LRRC74A: variants seen among roughly 807,000 people sequenced by gnomAD.
The protein encoded by LRRC74A is leucine rich repeat containing 74A.
In LRRC74A, 44 loss-of-function variants were observed where a neutral mutation model predicts 57.9. The observed-to-expected ratio is 0.76, with a 90% CI of 0.60 to 0.98. The LOEUF is 0.98. LRRC74A is among the 50% of genes least tolerant of loss of function. LRRC74A has a pLI of 0.00. For synonymous variants in LRRC74A, 211 were observed against 219.4 expected, an observed-to-expected ratio of 0.96 and a Z score of 0.34; for missense variants, 572 against 574.0, an observed-to-expected ratio of 1.00 and a Z score of 0.04.
chr14:76,841,570 C>G (rs181831976), intron 5 of LRRC74A, among the ~76,000 whole-genome samples: 17 of 151,888 alleles, frequency 1.1e-4, no homozygotes, highest in Non-Finnish European at 2.5e-4. Context: ...AAAAAAAACA[C>G]CTGTTGGGGT....
At chr14:76,856,141 T>C (rs1004869405) in intron 9 of LRRC74A, among the ~76,000 whole-genome samples, 1 of 152,194 alleles carries the variant, frequency 6.6e-6, no homozygotes, top group Non-Finnish European at 1.5e-5. Context: ...CTCACAAACA[T>C]CTCTTGCTGT....
At chr14:76,869,063 G>A (rs1312462397) in intron 13 of LRRC74A, among the ~76,000 whole-genome samples, 1 of 148,884 alleles carries the variant, frequency 6.7e-6, no homozygotes, top group African/African-American at 2.5e-5. Context: ...TCAGCGGCCT[G>A]TCCCTGTGCC....
chr14:76,862,627 T>G (rs912061653), intron 11 of LRRC74A, among the ~76,000 whole-genome samples: 4 of 152,140 alleles, frequency 2.6e-5, no homozygotes, highest in Non-Finnish European at 2.9e-5. Context: ...CAACGTAGGA[T>G]TCGGCAACCA....
intron 7 of LRRC74A, among the ~76,000 whole-genome samples, chr14:76,848,511 G>A (rs904898630): frequency 5.3e-4 from 81 of 151,710 alleles, no homozygotes; most frequent in African/African-American, 1.6e-3. Context: ...AGAGGTTATC[G>A]TAAGCTGTGA....
chr14:76,829,387 C>T (rs1014886498), intron 2 of LRRC74A, among the ~76,000 whole-genome samples: 4 of 152,340 alleles, frequency 2.6e-5, no homozygotes, highest in Admixed American at 6.5e-5. Context: ...ACCTCCTCCC[C>T]GCTGACCCCC....
At chr14:76,859,366 C>T (rs566833059) in intron 10 of LRRC74A, among the ~76,000 whole-genome samples, 8 of 152,102 alleles carry the variant, frequency 5.3e-5, no homozygotes, top group African/African-American at 1.9e-4. Context: ...GAAACCCCGT[C>T]TCTACTAAAA....
At chr14:76,852,097 G>A (rs1443900225) in intron 7 of LRRC74A, among the ~76,000 whole-genome samples, 2 of 152,184 alleles carry the variant, frequency 1.3e-5, no homozygotes, top group Admixed American at 6.5e-5. Flanking sequence ...AAATATCTGT[G>A]ATCAGATAAT....
rs777679049 is a variant in LRRC74A, at chr14:76,826,683, G to A, written c.-15G>A. The A allele has an allele frequency of 1.3e-5, 20 of 1,569,540 alleles. 1 individual carries two copies. The African/African-American group carries it at 2.0e-4, about 16-fold the overall frequency. ...GCAAGAAGTTGGCAGCTGCCCTCAA[G>A]AGGGTCCTGGCACCATGGACAATGA... On this transcript the variant is annotated 5_prime_UTR_variant, in exon 1 of 14. Transcript: ENST00000689127.
rs1373718578 is a variant in LRRC74A, at chr14:76,867,383, C to T, written c.1336C>T (p.Gln446Ter). 55 of 1,592,508 alleles carry T rather than the reference C, an allele frequency of 3.5e-5. No homozygotes were observed. Among genetic ancestry groups the T allele is most frequent in the Non-Finnish European group, 4.7e-5 (55 of 1,161,758 alleles). Residue 446 changes from glutamine to a stop codon, truncating the protein, a stop_gained, in exon 13 of 14, where the codon CAG becomes TAG. Coordinates refer to ENST00000689127, the MANE Select transcript of LRRC74A (RefSeq NM_001385106.1). LOFTEE classifies it high-confidence loss of function. Reference protein sequence around the residue: ...EQNKVPLNQYQVREVIKKLDE... With the variant: ...EQNKVPLNQY ...AAACAAGGTCCCCCTGAACCAGTAC[C>T]AGGTCAGGGAGGTGATAAAGAAGCT...
rs74071016 is a variant in LRRC74A at position 76,870,009 on chromosome 14, G to A, written c.1392-116G>A. Reference sequence around the variant, plus strand: ...AATGGTTAACAGCATGACCTCTAAGGCCAGAGATGGGTTTACAAATGGTCT... The same window carrying A: ...AATGGTTAACAGCATGACCTCTAAGACCAGAGATGGGTTTACAAATGGTCT... On this transcript the variant is annotated intron_variant, in intron 13 of 13. Transcript: ENST00000689127. The A allele has an allele frequency of 8.2e-3, 9,054 of 1,099,606 alleles. 511 individuals carry two copies. The African/African-American group carries it at 0.12, about 15-fold the overall frequency. The allele number at this position is 1,099,606 out of a possible 1,614,324, so 68.1% of individuals were successfully genotyped here.
At chr14:76,851,614 T>C (rs1897494805) in intron 7 of LRRC74A, among the ~76,000 whole-genome samples, 1 of 151,796 alleles carries the variant, frequency 6.6e-6, no homozygotes, top group Non-Finnish European at 1.5e-5. Context: ...TGCCTCGGCC[T>C]CCCAAAGTGC....
In LRRC74A at chr14:76,853,278, G is replaced by A. The variant is rs756133478; in HGVS notation, c.825G>A (p.Leu275=). Residue 275 remains leucine, a synonymous_variant, in exon 9 of 14, where the codon CTG becomes CTA. Transcript: ENST00000689127. Reference sequence around the variant, plus strand: ...ATGGCTTTGGGAATGAGGTGGCTCTGGCCCTAGGGGAAGTCCTCCGACTCA... The same window carrying A: ...ATGGCTTTGGGAATGAGGTGGCTCTAGCCCTAGGGGAAGTCCTCCGACTCA... The part of the protein sequence containing the change: ...SMNGFGNEVA[L]ALGEVLRLNR... 1 of 1,613,628 alleles carries A rather than the reference G, an allele frequency of 6.2e-7. No individual in the cohort carries two copies. Among genetic ancestry groups the A allele is most frequent in the East Asian group, 2.2e-5 (1 of 44,860 alleles).
intron 5 of LRRC74A, among the ~76,000 whole-genome samples, chr14:76,842,788 A>G (rs186511916): frequency 5.2e-4 from 79 of 152,262 alleles, no homozygotes; most frequent in African/African-American, 1.9e-3. Context: ...GCTCTATGTC[A>G]TGTACTTCCC....
Position 76,826,695 on chromosome 14 carries a change from A to T in LRRC74A, c.-3A>T. 4 of 1,554,080 alleles carry T rather than the reference A, an allele frequency of 2.6e-6. No individual in the cohort carries two copies. The highest frequency in any genetic ancestry group is 8.7e-7 in the Non-Finnish European group (1 of 1,152,296). The stretch of plus-strand genomic sequence containing the variant: ...CAGCTGCCCTCAAGAGGGTCCTGGC[A>T]CCATGGACAATGACAAGCCTCTTCA... On this transcript the variant is annotated 5_prime_UTR_variant, in exon 1 of 14. Coordinates refer to ENST00000689127, the MANE Select transcript of LRRC74A (RefSeq NM_001385106.1).
intron 5 of LRRC74A, among the ~76,000 whole-genome samples, chr14:76,840,050 G>C (rs966362817): frequency 6.6e-6 from 1 of 152,108 alleles, no homozygotes; most frequent in Non-Finnish European, 1.5e-5. Context: ...CTTTCTTGTA[G>C]CAAAGTTTAT....
At chr14:76,859,927 C>T (rs191108390) in intron 10 of LRRC74A, among the ~76,000 whole-genome samples, 53 of 152,236 alleles carry the variant, frequency 3.5e-4, no homozygotes, top group African/African-American at 1.3e-3. Flanking sequence ...ATACACCCAC[C>T]TTGGCCTCCC....
rs201172800 is a variant in LRRC74A at position 76,860,771 on chromosome 14, A to G, written c.1132A>G (p.Lys378Glu). The G allele has an allele frequency of 5.6e-6, 9 of 1,610,602 alleles. No individual in the cohort carries two copies. Among genetic ancestry groups the G allele is most frequent in the Non-Finnish European group, 6.8e-6 (8 of 1,177,364 alleles). ...AVHPQLDVVF[K>E]AVQGLSPKKT... is the part of the protein sequence containing the mutation. ...TCACCCGCAGCTGGACGTGGTATTC[A>G]AGGCAGTACAAGGCCTCTCTCCCAA... is the stretch of plus-strand genomic sequence containing the variant. The change falls in exon 11 of 14, where the codon AAG becomes GAG. Residue 378 changes from lysine (K) to glutamate (E), a missense_variant. Transcript: ENST00000689127.
intron 4 of LRRC74A, among the ~76,000 whole-genome samples, chr14:76,837,387 A>G (rs72721304): frequency 0.031 from 4,694 of 152,306 alleles, 105 homozygotes; most frequent in Non-Finnish European, 0.05. Context: ...GGGAACAACC[A>G]ATTAAGACAA....
intron 12 of LRRC74A, among the ~76,000 whole-genome samples, chr14:76,866,810 C>T (rs1336296281): frequency 2.0e-5 from 3 of 151,576 alleles, no homozygotes; most frequent in South Asian, 4.2e-4. Flanking sequence ...GGACAATGAC[C>T]CATGGGCAGG....
Sources: allele counts gnomAD v4.1 joint callset (sites outside exome capture counted in the v4.1 genomes callset), GRCh38; gene constraint gnomAD v4.1.1; transcripts MANE v1.5; gene names NCBI Gene and HGNC (gene_info 2026-07-23, HGNC 2026-07-21).